SHISA6: variants seen among roughly 807,000 people sequenced by gnomAD.
SHISA6 encodes shisa family member 6, also known as protein shisa-6.
A neutral mutation model predicts 47.9 loss-of-function variants in SHISA6; 22 were observed. The ratio of observed to expected loss-of-function variants is 0.46; its 90% CI spans 0.33 to 0.66. The LOEUF (loss-of-function observed/expected upper bound fraction) is 0.66, where lower values mean the gene tolerates loss of function less well. Among genes scored for constraint, SHISA6 ranks in the 30% least tolerant of loss-of-function variants. SHISA6 has a pLI of 0.02. For missense variants in SHISA6, 680 were observed against 764.6 expected (o/e 0.89, Z 1.30); for synonymous variants, 388 against 337.8 (o/e 1.15, Z -1.63).
chr17:11,358,680 T>TTTA (rs760769754), intron 2 of SHISA6, among the ~76,000 whole-genome samples: 2 of 150,740 alleles, frequency 1.3e-5, no homozygotes, highest in South Asian at 4.2e-4. Flanking sequence ...TTTTTTTTTT[T>TTTA]AAAGAATACG....
intron 2 of SHISA6, among the ~76,000 whole-genome samples, chr17:11,293,143 A>G (rs1010144713): frequency 6.6e-6 from 1 of 151,998 alleles, no homozygotes; most frequent in East Asian, 1.9e-4. Flanking sequence ...GATATTTTTG[A>G]AAGGTTTTTC....
In SHISA6 at chr17:11,548,250, C is replaced by T. The variant is rs921054498; in HGVS notation, c.896-3646C>T. ...GCCCTGTGCCAATAGAAGGACCCCC[C>T]GAAAAGACACTACACGTTTTTATTG... On this transcript the variant is annotated intron_variant, in intron 3 of 5. Transcript: ENST00000441885. Among the ~76,000 whole-genome samples, 5 of 152,194 alleles carry T rather than the reference C, an allele frequency of 3.3e-5. No individual in the cohort carries two copies. In the East Asian group the frequency reaches 5.8e-4, roughly 18 times the overall value.
chr17:11,302,968 A>G (rs1597447967), intron 2 of SHISA6, among the ~76,000 whole-genome samples: 1 of 152,198 alleles, frequency 6.6e-6, no homozygotes, highest in African/African-American at 2.4e-5. Flanking sequence ...GTCATTTCCC[A>G]TCAAGCTGGG....
In SHISA6 at chr17:11,559,255, G is replaced by C. The variant is rs1482726902; in HGVS notation, c.*951G>C. 1 of 152,696 alleles carries C rather than the reference G, an allele frequency of 6.5e-6. No individual in the cohort carries two copies. The highest frequency in any genetic ancestry group is 2.4e-5 in the African/African-American group (1 of 41,464). The allele number at this position is 152,696 out of a possible 1,614,324, so 9.5% of individuals were successfully genotyped here. A position where few individuals can be genotyped will look rare whatever the true frequency, so the allele number is the denominator to read the frequency against. On this transcript the variant is annotated 3_prime_UTR_variant, in exon 6 of 6. Transcript: ENST00000441885. This position sits in a 1 kb window ranked among gnomAD's most constrained non-coding sequence, Gnocchi z 4.4. ...CACTCAGGCTGCCTTCTCCACCCCTGCTCTGCTCCCAGGAGGCACCTGCGG... is the reference window on the plus strand; with the variant it reads ...CACTCAGGCTGCCTTCTCCACCCCTCCTCTGCTCCCAGGAGGCACCTGCGG...
chr17:11,255,936 G>A (rs771797043), intron 1 of SHISA6, among the ~76,000 whole-genome samples: 6 of 152,200 alleles, frequency 3.9e-5, no homozygotes, highest in African/African-American at 1.4e-4. Flanking sequence ...TGTAAGCCTC[G>A]TAAGCACTTT....
intron 3 of SHISA6, among the ~76,000 whole-genome samples, chr17:11,486,454 G>C (rs1916351981): frequency 6.6e-6 from 1 of 152,202 alleles, no homozygotes; most frequent in Non-Finnish European, 1.5e-5. Context: ...TCAACAAATA[G>C]TTATGAAACA....
At chr17:11,306,844 C>T (rs1045218496) in intron 2 of SHISA6, among the ~76,000 whole-genome samples, 2 of 152,208 alleles carry the variant, frequency 1.3e-5, no homozygotes, top group Non-Finnish European at 2.9e-5. Flanking sequence ...GCTTCTTTGA[C>T]CTATCCCCAT....
At chr17:11,492,362 C>T (rs545390851) in intron 3 of SHISA6, among the ~76,000 whole-genome samples, 1 of 152,260 alleles carries the variant, frequency 6.6e-6, no homozygotes, top group East Asian at 1.9e-4. Flanking sequence ...ATTGCATTGA[C>T]CAGCAAGCTA....
intron 2 of SHISA6, among the ~76,000 whole-genome samples, chr17:11,368,392 C>G (rs1183864255): frequency 6.6e-6 from 1 of 152,158 alleles, no homozygotes; most frequent in East Asian, 1.9e-4. Flanking sequence ...TAAACCATGA[C>G]ATTACCAGCA....
chr17:11,457,528 G>A (rs1248253289), intron 3 of SHISA6, among the ~76,000 whole-genome samples: 13 of 149,712 alleles, frequency 8.7e-5, no homozygotes, highest in Non-Finnish European at 1.5e-4. Flanking sequence ...TCAGGAGTTC[G>A]AGACCAGCCT....
chr17:11,289,093 A>G (rs1909429245), intron 2 of SHISA6: 1 of 152,202 alleles, frequency 6.6e-6, no homozygotes, highest in Admixed American at 6.5e-5. Flanking sequence ...GTAAAGAGGT[A>G]TACTTTAATT....
At chr17:11,250,255 G>A (rs1907750566) in intron 1 of SHISA6, among the ~76,000 whole-genome samples, 1 of 152,206 alleles carries the variant, frequency 6.6e-6, no homozygotes, top group Non-Finnish European at 1.5e-5. Context: ...GAGCCAGAGT[G>A]TTCACTGTGC....
chr17:11,466,820 G>T (rs893028768), intron 3 of SHISA6, among the ~76,000 whole-genome samples: 7 of 152,152 alleles, frequency 4.6e-5, no homozygotes. Flanking sequence ...TTCTCAGCCC[G>T]TGTTTTCTTC....
intron 3 of SHISA6, among the ~76,000 whole-genome samples, chr17:11,544,843 C>T (rs993190128): frequency 6.6e-6 from 1 of 151,664 alleles, no homozygotes; most frequent in African/African-American, 2.4e-5. Context: ...CAGCTGTAGT[C>T]CCAGCCACTC....
In SHISA6 at chr17:11,327,287, A is replaced by G. The variant is rs77293460; in HGVS notation, c.800-52127A>G. Among the ~76,000 whole-genome samples, 719 of 152,342 alleles carry G rather than the reference A, an allele frequency of 4.7e-3. 1 individual carries two copies. The highest frequency in any genetic ancestry group is 7.4e-3 in the Non-Finnish European group (501 of 68,038). On this transcript the variant is annotated intron_variant, in intron 2 of 5. Coordinates refer to ENST00000441885, the MANE Select transcript of SHISA6 (RefSeq NM_207386.4). Reference sequence around the variant, plus strand: ...CTGACTTCTGAGTTGGTGTGATTTCAAAAGATCACCATGATGGGGTTTCTA... The same window carrying G: ...CTGACTTCTGAGTTGGTGTGATTTCGAAAGATCACCATGATGGGGTTTCTA...
chr17:11,389,479 T>A (rs975548260), intron 3 of SHISA6, among the ~76,000 whole-genome samples: 3 of 152,212 alleles, frequency 2.0e-5, no homozygotes, highest in African/African-American at 7.2e-5. Flanking sequence ...GTCATGAATG[T>A]GTCCCATATT....
intron 2 of SHISA6, among the ~76,000 whole-genome samples, chr17:11,331,098 A>C (rs1911090889): frequency 6.6e-6 from 1 of 152,170 alleles, no homozygotes; most frequent in Admixed American, 6.5e-5. Flanking sequence ...TGCAGGAGAA[A>C]CATCTGCGCA....
chr17:11,410,944 A>G lies in SHISA6; in HGVS notation c.895+31435A>G, dbSNP rs559149321. Among the ~76,000 whole-genome samples, 7 of 152,170 alleles carry G rather than the reference A, an allele frequency of 4.6e-5. No homozygotes were observed. In the East Asian group the frequency reaches 1.2e-3, roughly 25 times the overall value. ...ATGGAAACAGTGAAACAGAAACTCAATTCTGTCTATTTTTTTTATTTTTTT... is the reference window on the plus strand; with the variant it reads ...ATGGAAACAGTGAAACAGAAACTCAGTTCTGTCTATTTTTTTTATTTTTTT... On this transcript the variant is annotated intron_variant, in intron 3 of 5. Coordinates refer to ENST00000441885, the MANE Select transcript of SHISA6 (RefSeq NM_207386.4).
intron 3 of SHISA6, among the ~76,000 whole-genome samples, chr17:11,534,900 A>C (rs2071772137): frequency 1.3e-5 from 2 of 152,006 alleles, no homozygotes; most frequent in Non-Finnish European, 2.9e-5. Flanking sequence ...GAGGCCAAGG[A>C]GGGTGGATCA....
Sources: allele counts gnomAD v4.1 joint callset (sites outside exome capture counted in the v4.1 genomes callset), GRCh38; gene constraint gnomAD v4.1.1; non-coding constraint Gnocchi (gnomAD v3.1); transcripts MANE v1.5; gene names NCBI Gene and HGNC (gene_info 2026-07-23, HGNC 2026-07-21).